Variants in IFNGR1 observed in about 807,000 individuals in gnomAD.
The protein encoded by IFNGR1 is interferon gamma receptor 1.
In IFNGR1, 23 loss-of-function variants were observed where a neutral mutation model predicts 35.4. That is an observed-to-expected ratio of 0.65 (90% CI 0.47 to 0.92). The LOEUF is 0.92. Ranked by LOEUF, IFNGR1 falls within the 40% of genes least tolerant of loss-of-function variation. The pLI is 0.00. For synonymous variants in IFNGR1, 199 were observed against 209.5 expected (o/e 0.95, Z 0.43); for missense variants, 533 against 583.4 (o/e 0.91, Z 0.89).
Position 137,219,373 on chromosome 6 carries a change from C to A in IFNGR1, c.-46G>T. 2 of 1,571,148 alleles carry A rather than the reference C, an allele frequency of 1.3e-6. No homozygotes were observed. Among genetic ancestry groups the A allele is most frequent in the South Asian group, 2.3e-5 (2 of 85,688 alleles). On this transcript the variant is annotated 5_prime_UTR_variant, in exon 1 of 7. Transcript: ENST00000367739. The stretch of plus-strand genomic sequence containing the variant: ...GCTCCAACCCCGAGCGCCTGCGGGA[C>A]CAGCCCAGCACTGCCCTCCAGCCCC...
chr6:137,201,731 T>A (rs770763480), intron 5 of IFNGR1, among the ~76,000 whole-genome samples: 1 of 152,118 alleles, frequency 6.6e-6, no homozygotes, highest in Non-Finnish European at 1.5e-5. Flanking sequence ...TTATTGCTCT[T>A]AAGATGATTT....
At chr6:137,203,146 A>C (rs1416728351) in intron 5 of IFNGR1, among the ~76,000 whole-genome samples, 1 of 152,198 alleles carries the variant, frequency 6.6e-6, no homozygotes, top group East Asian at 1.9e-4. Flanking sequence ...CAATCCCCAT[A>C]AAGAACATTT....
intron 1 of IFNGR1, among the ~76,000 whole-genome samples, chr6:137,208,690 T>C (rs977901529): frequency 1.3e-5 from 2 of 152,178 alleles, no homozygotes; most frequent in Non-Finnish European, 2.9e-5. Flanking sequence ...AGAAGATGTA[T>C]GGAAATGCCT....
At chr6:137,203,469 A>G in intron 5 of IFNGR1, 30 bp downstream of exon 5, 1 of 1,190,264 alleles carries the variant, frequency 8.4e-7, no homozygotes, top group South Asian at 1.2e-5. Context: ...TGCTCCCTCT[A>G]TATTTAGAAA....
At chr6:137,200,268 A>G (rs56203053) in intron 6 of IFNGR1, among the ~76,000 whole-genome samples, 40 of 152,236 alleles carry the variant, frequency 2.6e-4, no homozygotes, top group Non-Finnish European at 4.7e-4. Context: ...TTTGACTCAA[A>G]TAGATACTAT....
rs1447079034 is a variant in IFNGR1, at chr6:137,198,567, G to A, written c.934C>T (p.Gln312Ter). The change falls in exon 7 of 7, where the codon CAG becomes TAG. Residue 312 changes from glutamine (Q) to a stop codon, truncating the protein, a stop_gained. Coordinates refer to ENST00000367739, the MANE Select transcript of IFNGR1 (RefSeq NM_000416.3). LOFTEE classifies it low-confidence loss of function (END_TRUNC). ...ACCTCCTTTTCTAAGGAAAATGGCT[G>A]GTATGACGTGATGAGTGATACATAT... The part of the protein sequence containing the change: ...SKYVSLITSY[Q>*]PFSLEKEVVC... 1 of 1,613,744 alleles carries A rather than the reference G, an allele frequency of 6.2e-7. No individual in the cohort carries two copies. Among genetic ancestry groups the A allele is most frequent in the Non-Finnish European group, 8.5e-7 (1 of 1,179,844 alleles).
intron 1 of IFNGR1, among the ~76,000 whole-genome samples, chr6:137,217,894 CCTCTGCACCTCAGT>C (rs1166739211): frequency 6.6e-6 from 1 of 152,212 alleles, no homozygotes; most frequent in African/African-American, 2.4e-5. Flanking sequence ...TGCTATCACA[CCTCTGCACCTCAGT>C]CTCTGCACCT....
At chr6:137,210,365 C>G (rs778397634) in intron 1 of IFNGR1, among the ~76,000 whole-genome samples, 1 of 151,974 alleles carries the variant, frequency 6.6e-6, no homozygotes, top group Non-Finnish European at 1.5e-5. Context: ...TATCCAACAC[C>G]CCTTGGAAAA....
chr6:137,207,189 A>G lies in IFNGR1; in HGVS notation c.86-112T>C, dbSNP rs1779455805. ...CAGATATGTATATTTGAAGAAAAGT[A>G]GAATTCACCAGGATACCAAAATTAT... On this transcript the variant is annotated intron_variant, in intron 1 of 6. Coordinates refer to ENST00000367739, the MANE Select transcript of IFNGR1 (RefSeq NM_000416.3). The G allele has an allele frequency of 6.6e-6, 9 of 1,371,162 alleles. No individual in the cohort carries two copies. In the Admixed American group the frequency reaches 7.7e-5, roughly 12 times the overall value. The allele number at this position is 1,371,162 out of a possible 1,614,324, so 84.9% of individuals were successfully genotyped here.
At chr6:137,208,557 A>G (rs1005019523) in intron 1 of IFNGR1, among the ~76,000 whole-genome samples, 3 of 152,220 alleles carry the variant, frequency 2.0e-5, no homozygotes, top group African/African-American at 7.2e-5. Context: ...AGAGGCCAAC[A>G]TATAGCTCAG....
At chr6:137,199,458 CTT>C (rs1491277161) in intron 6 of IFNGR1, among the ~76,000 whole-genome samples, 96 of 23,700 alleles carry the variant, frequency 4.1e-3, no homozygotes, top group African/African-American at 0.019. Context: ...AAATATATAA[CTT>C]ATATTATATA....
At chr6:137,199,472 A>ACATATAATTTATAATATATT (rs1491046595) in intron 6 of IFNGR1, among the ~76,000 whole-genome samples, 2 of 69,858 alleles carry the variant, frequency 2.9e-5, no homozygotes, top group Non-Finnish European at 5.3e-5. Flanking sequence ...TATTATATAA[A>ACATATAATTTATAATATATT]ATATATAATT....
In IFNGR1 at chr6:137,199,391, T is replaced by C. The variant is rs1353418026; in HGVS notation, c.862-752A>G. On this transcript the variant is annotated intron_variant, in intron 6 of 6. Coordinates refer to ENST00000367739, the MANE Select transcript of IFNGR1 (RefSeq NM_000416.3). ...TATATAAAATATAATTTATATTACA[T>C]AAAATATATAATTTATAATATATTA... Among the ~76,000 whole-genome samples the C allele has an allele frequency of 9.7e-4, 122 of 126,354 alleles. 1 individual carries two copies. The highest frequency in any genetic ancestry group is 3.2e-3 in the African/African-American group (108 of 33,756). 82.9% of individuals were successfully genotyped at this position (126,354 alleles called of 152,430 possible). A position where few individuals can be genotyped will look rare whatever the true frequency, so the allele number is the denominator to read the frequency against.
intron 5 of IFNGR1, among the ~76,000 whole-genome samples, chr6:137,202,967 A>C (rs1408211925): frequency 3.3e-5 from 5 of 151,954 alleles, no homozygotes; most frequent in Non-Finnish European, 5.9e-5. Flanking sequence ...CACCCCCCAC[A>C]TTAAAAGATG....
chr6:137,202,329 T>C (rs1041408388), intron 5 of IFNGR1, among the ~76,000 whole-genome samples: 1 of 152,188 alleles, frequency 6.6e-6, no homozygotes, highest in African/African-American at 2.4e-5. Context: ...TAAAAACAAA[T>C]CTGCGGCATT....
At chr6:137,206,767 A>G (rs973397422) in intron 2 of IFNGR1, 196 bp downstream of exon 2, 30 of 587,948 alleles carry the variant, frequency 5.1e-5, no homozygotes, top group Non-Finnish European at 6.0e-6. Flanking sequence ...TCTCTATTTC[A>G]ATACTGATAA....
chr6:137,198,841 A>G (rs760831113), intron 6 of IFNGR1, among the ~76,000 whole-genome samples: 1 of 152,212 alleles, frequency 6.6e-6, no homozygotes, highest in African/African-American at 2.4e-5. Context: ...AAGCCATCAG[A>G]TATCTTACTA....
intron 5 of IFNGR1, among the ~76,000 whole-genome samples, chr6:137,201,361 A>T (rs1339959167): frequency 6.6e-6 from 1 of 152,228 alleles, no homozygotes; most frequent in Non-Finnish European, 1.5e-5. Context: ...GAATAATTTT[A>T]AAAATACCTC....
chr6:137,215,412 T>C, intron 1 of IFNGR1: 2 of 1,377,798 alleles, frequency 1.5e-6, no homozygotes, highest in Non-Finnish European at 2.0e-6. Context: ...AAATGAATAA[T>C]TTCTTAAAAA....
Sources: gnomAD v4.1 joint callset for allele counts (sites outside exome capture counted in the v4.1 genomes callset) on GRCh38, gnomAD v4.1.1 for gene constraint, MANE v1.5 for transcripts, NCBI Gene and HGNC (gene_info 2026-07-23, HGNC 2026-07-21) for gene names.